CDH23: variants seen among roughly 807,000 people sequenced by gnomAD.
CDH23 encodes the protein cadherin-23.
CDH23 carries 189 observed loss-of-function variants against 317.1 expected under a neutral mutation model. The observed-to-expected ratio is 0.60, with a 90% CI of 0.53 to 0.67. CDH23 has a LOEUF of 0.67. CDH23 is among the 30% of genes least tolerant of loss of function. The probability of loss-of-function intolerance (pLI) is 0.00; values close to 1 mark genes in which losing one functional copy is unlikely to be tolerated. For missense variants in CDH23, 4,401 were observed against 4,592.4 expected (o/e 0.96, Z 1.20); for synonymous variants, 1,839 against 1,876.8 (o/e 0.98, Z 0.52).
At position 71,701,491 on chromosome 10, in the gene CDH23, G is replaced by A. The variant is rs10999964; in HGVS notation, c.2398-531G>A. ...TAAGTGGGGAACCAGGCTGTAGGCC[G>A]GGGAGTTGAAGGGGCCAGAGTGTCT... On this transcript the variant is annotated intron_variant, in intron 22 of 69. Coordinates refer to ENST00000224721, the MANE Select transcript of CDH23 (RefSeq NM_022124.6). 6.0e-4 allele frequency among the ~76,000 whole-genome samples: 92 copies of A among 152,188 alleles called. 1 individual carries two copies. The East Asian group carries it at 0.014, about 24-fold the overall frequency.
chr10:71,680,823 C>CTT (rs1864605905), intron 17 of CDH23, among the ~76,000 whole-genome samples: 15 of 41,420 alleles, frequency 3.6e-4, no homozygotes, highest in Non-Finnish European at 4.3e-4. Context: ...TTTTTTTTTT[C>CTT]TTTTTCTTTT....
chr10:71,499,539 G>T (rs909448097), intron 3 of CDH23, among the ~76,000 whole-genome samples: 5 of 150,852 alleles, frequency 3.3e-5, no homozygotes, highest in African/African-American at 1.2e-4. Flanking sequence ...TCCAGCCTAG[G>T]CAACAAGAGT....
intron 2 of CDH23, among the ~76,000 whole-genome samples, chr10:71,441,657 G>A (rs1849886453): frequency 6.6e-6 from 1 of 152,088 alleles, no homozygotes. Flanking sequence ...AGGAGGCGGA[G>A]GTTGCAGTGA....
chr10:71,627,305 C>T (rs919837084), intron 11 of CDH23, among the ~76,000 whole-genome samples: 4 of 152,178 alleles, frequency 2.6e-5, no homozygotes, highest in Admixed American at 2.0e-4. Context: ...CTAGAGGGAG[C>T]GGACAGCCCA....
chr10:71,520,849 C>G (rs1216955610), intron 6 of CDH23, among the ~76,000 whole-genome samples: 1 of 152,162 alleles, frequency 6.6e-6, no homozygotes, highest in Non-Finnish European at 1.5e-5. Flanking sequence ...GCCCCTGTGA[C>G]ATGGAGGCCC....
chr10:71,704,954 C>A lies in CDH23; in HGVS notation c.2777C>A (p.Ser926Tyr). 2 of 1,612,932 alleles carry A rather than the reference C, an allele frequency of 1.2e-6. No individual in the cohort carries two copies. The highest frequency in any genetic ancestry group is 1.7e-6 in the Non-Finnish European group (2 of 1,179,852). ...GATGAGGGCCTGAACGGCCTGGTGTCCTACCGCATGCCGGTGGGCATGCCC... is the reference window on the plus strand; with the variant it reads ...GATGAGGGCCTGAACGGCCTGGTGTACTACCGCATGCCGGTGGGCATGCCC... ...DLDEGLNGLVSYRMPVGMPRM... is the reference protein window; with the variant it reads ...DLDEGLNGLVYYRMPVGMPRM... The change falls in exon 25 of 70, where the codon TCC (serine) becomes TAC (tyrosine). Residue 926 changes from serine to tyrosine, a missense_variant. Coordinates refer to ENST00000224721, the MANE Select transcript of CDH23 (RefSeq NM_022124.6).
intron 9 of CDH23, among the ~76,000 whole-genome samples, chr10:71,601,902 G>A (rs925433217): frequency 6.6e-6 from 1 of 151,610 alleles, no homozygotes; most frequent in African/African-American, 2.4e-5. Context: ...CTGAGCCCCA[G>A]GCAGATCTCT....
chr10:71,464,441 G>A (rs1851150285), intron 3 of CDH23, among the ~76,000 whole-genome samples: 1 of 152,166 alleles, frequency 6.6e-6, no homozygotes, highest in Non-Finnish European at 1.5e-5. Flanking sequence ...CTACCTGCAG[G>A]GATGGAGAAG....
At position 71,615,547 on chromosome 10, in the gene CDH23, G is replaced by T; in HGVS notation, c.876G>T (p.Val292=). Residue 292 remains valine (V), a synonymous_variant, in exon 10 of 70, where the codon GTG becomes GTT. Transcript: ENST00000224721. Reference sequence around the variant, plus strand: ...TTGCCCTGGACTACATCAGCGGAGTGCTGACCTTGAATGGCCTGCTGGACC... The same window carrying T: ...TTGCCCTGGACTACATCAGCGGAGTTCTGACCTTGAATGGCCTGCTGGACC... The part of the protein sequence containing the change: ...SIFALDYISG[V]LTLNGLLDRE... 6.2e-7 allele frequency: 1 copy of T among 1,613,858 alleles called. No homozygotes were observed. Among genetic ancestry groups the T allele is most frequent in the Non-Finnish European group, 8.5e-7 (1 of 1,179,866 alleles).
Position 71,712,802 on chromosome 10 carries a change from A to G in CDH23, c.3358A>G (p.Ser1120Gly). 1 of 1,612,194 alleles carries G rather than the reference A, an allele frequency of 6.2e-7. No homozygotes were observed. The highest frequency in any genetic ancestry group is 8.5e-7 in the Non-Finnish European group (1 of 1,179,382). ...SVPEDIPEGH[S>G]ILQLKATDAD... The stretch of plus-strand genomic sequence containing the variant: ...CCCTGAGGACATCCCTGAAGGCCAC[A>G]GCATCTTGCAGGCAGGTGGCCCGTG... Residue 1120 changes from serine (S) to glycine (G), a missense_variant, in exon 28 of 70, where the codon AGC (serine) becomes GGC (glycine). Ser to Gly is a moderately conservative substitution (Grantham distance 56). Transcript: ENST00000224721.
At chr10:71,805,686 G>T in intron 55 of CDH23, 120 bp from the exon 56 acceptor site, 2 of 995,598 alleles carry the variant, frequency 2.0e-6, no homozygotes, top group South Asian at 1.8e-5. Flanking sequence ...CTCCTGGCGG[G>T]TGCTGTAAGC....
At chr10:71,593,601 C>A (rs1281126110) in intron 9 of CDH23, among the ~76,000 whole-genome samples, 1 of 151,994 alleles carries the variant, frequency 6.6e-6, no homozygotes, top group Non-Finnish European at 1.5e-5. Flanking sequence ...TCCTGCAGAT[C>A]GAGAGGAAAA....
chr10:71,554,905 G>T (rs1296995234), intron 6 of CDH23, among the ~76,000 whole-genome samples: 2 of 152,210 alleles, frequency 1.3e-5, no homozygotes, highest in South Asian at 4.1e-4. Flanking sequence ...GAAGGAAGTG[G>T]GAAGTTATTG....
At chr10:71,806,029 T>TGGGAGGGGGGGGG in intron 56 of CDH23, 32 bp downstream of exon 56, 1 of 1,489,584 alleles carries the variant, frequency 6.7e-7, no homozygotes, top group Admixed American at 1.9e-5. Context: ...AGGGGCGGGG[T>TGGGAGGGGGGGGG]CTGGGGCGGG....
In CDH23 at chr10:71,803,048, A is replaced by G. The variant is rs1160563056; in HGVS notation, c.7633A>G (p.Thr2545Ala). 1.9e-6 allele frequency: 3 copies of G among 1,612,608 alleles called. No homozygotes were observed. The highest frequency in any genetic ancestry group is 2.2e-5 in the East Asian group (1 of 44,812). ...DQDEGPNGEL[T>A]YSLEGPGVEA... ...GGATGAAGGTCCCAATGGAGAGTTG[A>G]CCTACTCACTTGAGGGCCCTGGCGT... The change falls in exon 54 of 70, where the codon ACC (threonine) becomes GCC (alanine). Residue 2545 changes from threonine to alanine, a missense_variant. Physicochemically the swap from Thr to Ala is moderately conservative, Grantham distance 58. This residue lies in a region of CDH23 where 1,144 missense variants were observed against 1,138.2 expected (regional missense o/e 1.01). Transcript: ENST00000224721.
At chr10:71,732,994 G>A (rs1042743557) in intron 32 of CDH23, among the ~76,000 whole-genome samples, 1 of 152,130 alleles carries the variant, frequency 6.6e-6, no homozygotes, top group Non-Finnish European at 1.5e-5. Context: ...CACAGGTTGA[G>A]GGCTCAGTCT....
chr10:71,783,193 C>G (rs577910413), intron 41 of CDH23, among the ~76,000 whole-genome samples: 1 of 152,228 alleles, frequency 6.6e-6, no homozygotes, highest in African/African-American at 2.4e-5. Flanking sequence ...TCTGCAGGCT[C>G]TCCCAGTTCC....
At chr10:71,552,978 T>TC (rs1360627519) in intron 6 of CDH23, among the ~76,000 whole-genome samples, 1 of 151,910 alleles carries the variant, frequency 6.6e-6, no homozygotes. Context: ...CACCATCCAG[T>TC]CCCCCCACTC....
At chr10:71,641,221 C>A (rs958777419) in intron 11 of CDH23, among the ~76,000 whole-genome samples, 2 of 152,172 alleles carry the variant, frequency 1.3e-5, no homozygotes, top group East Asian at 1.9e-4. Flanking sequence ...CTGGGGAGCA[C>A]GAGAGAAATG....
Sources: gnomAD v4.1 joint callset for allele counts (sites outside exome capture counted in the v4.1 genomes callset) on GRCh38, gnomAD v4.1.1 for gene constraint, gnomAD v4.1.1 regional missense constraint, MANE v1.5 for transcripts, NCBI Gene and HGNC (gene_info 2026-07-23, HGNC 2026-07-21) for gene names.